Variants in SLC9A9 observed in about 807,000 individuals in gnomAD.
The protein encoded by SLC9A9 is sodium/hydrogen exchanger 9.
A neutral mutation model predicts 77.8 loss-of-function variants in SLC9A9; 62 were observed. That is an observed-to-expected ratio of 0.80 (90% confidence interval 0.65 to 0.98). The LOEUF is 0.98. SLC9A9 is among the 50% of genes least tolerant of loss of function. SLC9A9 has a pLI of 0.00. For missense variants in SLC9A9, 775 were observed against 774.9 expected, an observed-to-expected ratio of 1.00 and a Z score of 0.00; for synonymous variants, 320 against 283.5, an observed-to-expected ratio of 1.13 and a Z score of -1.29.
chr3:143,549,817 C>G lies in SLC9A9; in HGVS notation c.1089+2545G>C, dbSNP rs534274289. 3.3e-5 allele frequency among the ~76,000 whole-genome samples: 5 copies of G among 150,934 alleles called. No homozygotes were observed. The South Asian group carries it at 1.0e-3, about 32-fold the overall frequency. On this transcript the variant is annotated intron_variant, in intron 9 of 15. Coordinates refer to ENST00000316549, the MANE Select transcript of SLC9A9 (RefSeq NM_173653.4). ...AGTCCCTAAACAGGGTTCAGCTTCCCAGAATACAAATATGCTCAGAGAACC... is the reference window on the plus strand; with the variant it reads ...AGTCCCTAAACAGGGTTCAGCTTCCGAGAATACAAATATGCTCAGAGAACC...
chr3:143,834,877 A>G (rs1003490483), intron 1 of SLC9A9, among the ~76,000 whole-genome samples: 1 of 152,112 alleles, frequency 6.6e-6, no homozygotes, highest in Non-Finnish European at 1.5e-5. Flanking sequence ...TCTCAGATAG[A>G]TGAAAATGTA....
chr3:143,638,885 A>G (rs986821196), intron 6 of SLC9A9, among the ~76,000 whole-genome samples: 2 of 152,248 alleles, frequency 1.3e-5, no homozygotes, highest in African/African-American at 2.4e-5. Context: ...AATTCATTAC[A>G]AAGCTCAAGT....
chr3:143,655,653 T>C, intron 5 of SLC9A9: 1 of 981,788 alleles, frequency 1.0e-6, no homozygotes, highest in Non-Finnish European at 1.2e-6. Flanking sequence ...CATATGATCT[T>C]ATGCTCAAGG....
intron 1 of SLC9A9, among the ~76,000 whole-genome samples, chr3:143,837,741 T>C (rs1326863539): frequency 1.3e-5 from 2 of 152,204 alleles, no homozygotes; most frequent in Non-Finnish European, 2.9e-5. Flanking sequence ...AATGGGTATG[T>C]GACCCTATTC....
At chr3:143,567,734 T>C (rs1383272356) in intron 8 of SLC9A9, among the ~76,000 whole-genome samples, 1 of 152,140 alleles carries the variant, frequency 6.6e-6, no homozygotes, top group Non-Finnish European at 1.5e-5. Flanking sequence ...TAGTAACAAC[T>C]GAAAGTGAAT....
chr3:143,741,199 C>A (rs1935064229), intron 4 of SLC9A9, among the ~76,000 whole-genome samples: 1 of 152,056 alleles, frequency 6.6e-6, no homozygotes, highest in Non-Finnish European at 1.5e-5. Flanking sequence ...ATAGCTGTTC[C>A]TAACACTGGG....
At chr3:143,635,199 G>C (rs1017747874) in intron 6 of SLC9A9, among the ~76,000 whole-genome samples, 1 of 152,148 alleles carries the variant, frequency 6.6e-6, no homozygotes, top group Non-Finnish European at 1.5e-5. Context: ...GCTGGCTGTC[G>C]CTCCCTCTCC....
intron 9 of SLC9A9, among the ~76,000 whole-genome samples, chr3:143,530,891 A>G (rs1429158405): frequency 6.6e-6 from 1 of 152,198 alleles, no homozygotes; most frequent in Admixed American, 6.5e-5. Context: ...ACCTCCTTTT[A>G]GCATTTTATG....
At chr3:143,815,871 AC>A (rs2009001741) in intron 2 of SLC9A9, among the ~76,000 whole-genome samples, 1 of 151,760 alleles carries the variant, frequency 6.6e-6, no homozygotes, top group Non-Finnish European at 1.5e-5. Context: ...TCTCAAAAAA[AC>A]AAACAAACAA....
intron 14 of SLC9A9, among the ~76,000 whole-genome samples, chr3:143,330,316 G>C (rs184465410): frequency 6.6e-6 from 1 of 152,280 alleles, no homozygotes; most frequent in East Asian, 1.9e-4. Context: ...GACTTGCCCA[G>C]CATCAAATCT....
In SLC9A9 at chr3:143,353,239, C is replaced by T. The variant is rs115746315; in HGVS notation, c.1604+10245G>A. 7.4e-3 allele frequency among the ~76,000 whole-genome samples: 1,133 copies of T among 152,356 alleles called. 8 individuals are homozygous for T. Among genetic ancestry groups the T allele is most frequent in the African/African-American group, 0.022 (925 of 41,588 alleles). On this transcript the variant is annotated intron_variant, in intron 14 of 15. Coordinates refer to ENST00000316549, the MANE Select transcript of SLC9A9 (RefSeq NM_173653.4). ...AAGCTGTTTAGTTGGCTATACCCCT[C>T]TCTGGCTTCCATGGCACTTGCTGTG... is the stretch of plus-strand genomic sequence containing the variant.
At chr3:143,530,670 C>A (rs1023234659) in intron 9 of SLC9A9, among the ~76,000 whole-genome samples, 31 of 141,948 alleles carry the variant, frequency 2.2e-4, no homozygotes, top group Admixed American at 1.7e-3. Context: ...AACAAACAAA[C>A]AAACAAAAAC....
At chr3:143,648,937 G>A (rs1019104582) in intron 6 of SLC9A9, among the ~76,000 whole-genome samples, 1 of 152,176 alleles carries the variant, frequency 6.6e-6, no homozygotes, top group Non-Finnish European at 1.5e-5. Context: ...GAAGTTGAGC[G>A]AAGAAAGATT....
At chr3:143,829,909 T>A (rs922956233) in intron 2 of SLC9A9, among the ~76,000 whole-genome samples, 1 of 152,150 alleles carries the variant, frequency 6.6e-6, no homozygotes, top group Non-Finnish European at 1.5e-5. Flanking sequence ...GGTTTTAAGC[T>A]CCTCACTTCA....
chr3:143,646,242 T>C (rs1011316042), intron 6 of SLC9A9, among the ~76,000 whole-genome samples: 11 of 149,714 alleles, frequency 7.3e-5, no homozygotes, highest in Non-Finnish European at 1.5e-4. Context: ...GTAATTTATA[T>C]ATAAATAATA....
At chr3:143,572,467 T>A (rs1204902852) in intron 8 of SLC9A9, among the ~76,000 whole-genome samples, 2 of 152,190 alleles carry the variant, frequency 1.3e-5, no homozygotes, top group African/African-American at 4.8e-5. Context: ...TTGAATAGAA[T>A]ACAGAATGTG....
At chr3:143,683,838 G>C (rs768137874) in intron 5 of SLC9A9, among the ~76,000 whole-genome samples, 1 of 152,044 alleles carries the variant, frequency 6.6e-6, no homozygotes, top group Non-Finnish European at 1.5e-5. Context: ...AATGAATATA[G>C]TTGGTCACGG....
chr3:143,492,843 C>G (rs141581338), intron 11 of SLC9A9, among the ~76,000 whole-genome samples: 1 of 152,250 alleles, frequency 6.6e-6, no homozygotes, highest in African/African-American at 2.4e-5. Flanking sequence ...TCATGTATCC[C>G]CCAATAACTG....
At chr3:143,803,569 G>A (rs79587228) in intron 2 of SLC9A9, among the ~76,000 whole-genome samples, 8,984 of 152,144 alleles carry the variant, frequency 0.059, 765 homozygotes, top group African/African-American at 0.19. Context: ...AGTGGATAGA[G>A]GATCTTTGCT....
Sources: allele counts gnomAD v4.1 joint callset (sites outside exome capture counted in the v4.1 genomes callset), GRCh38; gene constraint gnomAD v4.1.1; transcripts MANE v1.5; gene names NCBI Gene and HGNC (gene_info 2026-07-23, HGNC 2026-07-21).